The following MRTFA variants were observed in gnomAD, a reference collection of about 807,000 sequenced individuals.
MRTFA encodes the protein myocardin-related transcription factor A.
MRTFA carries 20 observed loss-of-function variants against 83.5 expected under a neutral mutation model. The ratio of observed to expected loss-of-function variants is 0.24; its 90% CI spans 0.17 to 0.35. The LOEUF (loss-of-function observed/expected upper bound fraction) is 0.35, where lower values mean the gene tolerates loss of function less well. Among genes scored for constraint, MRTFA ranks in the 10% least tolerant of loss-of-function variants. The pLI is 1.00. For synonymous variants in MRTFA, 659 were observed against 541.2 expected (o/e 1.22, Z -3.02); for missense variants, 1,200 against 1,224.7 (o/e 0.98, Z 0.30).
intron 3 of MRTFA, among the ~76,000 whole-genome samples, chr22:40,544,898 C>G (rs1324804229): frequency 6.6e-6 from 1 of 151,226 alleles, no homozygotes; most frequent in African/African-American, 2.4e-5. Flanking sequence ...ATCCTCCAGC[C>G]TAGGCAACAG....
At chr22:40,516,592 T>G (rs778173319) in intron 3 of MRTFA, among the ~76,000 whole-genome samples, 5 of 152,044 alleles carry the variant, frequency 3.3e-5, no homozygotes, top group Non-Finnish European at 7.4e-5. Context: ...TAATTTTAAT[T>G]CCAACCCACA....
intron 3 of MRTFA, among the ~76,000 whole-genome samples, chr22:40,468,900 G>A (rs895931526): frequency 6.6e-6 from 1 of 152,160 alleles, no homozygotes; most frequent in Non-Finnish European, 1.5e-5. Context: ...TTGGAGCCAA[G>A]TTTGAATGCA....
chr22:40,542,221 G>A lies in MRTFA; in HGVS notation c.241+9885C>T, dbSNP rs937876402. ...CCTCCTCCTCCCACCCCCTACCCCT[G>A]TCTTCACACACGCTATTACTTCTTT... is the stretch of plus-strand genomic sequence containing the variant. On this transcript the variant is annotated intron_variant, in intron 3 of 14. Coordinates refer to ENST00000355630, the MANE Select transcript of MRTFA (RefSeq NM_020831.6). 2.0e-5 allele frequency among the ~76,000 whole-genome samples: 3 copies of A among 151,704 alleles called. No homozygotes were observed. In the South Asian group the frequency reaches 6.2e-4, roughly 32 times the overall value.
At chr22:40,437,001 G>A (rs1228958140) in intron 4 of MRTFA, among the ~76,000 whole-genome samples, 1 of 152,160 alleles carries the variant, frequency 6.6e-6, no homozygotes, top group Non-Finnish European at 1.5e-5. Context: ...AATTGTCCCA[G>A]TGGTATTTAT....
rs544840585 is a variant in MRTFA at position 40,586,144 on chromosome 22, A to G, written c.-22+8530T>C. On this transcript the variant is annotated intron_variant, in intron 2 of 14. Transcript: ENST00000355630. ...AAATGGTAGGTGGAAGTTGAGAGTA[A>G]TTATTTTTTTTTATCTCCATCAAAG... Among the ~76,000 whole-genome samples the G allele has an allele frequency of 2.6e-5, 4 of 152,226 alleles. No individual in the cohort carries two copies. In the South Asian group the frequency reaches 8.3e-4, roughly 32 times the overall value.
chr22:40,464,111 G>C (rs142542683), intron 3 of MRTFA, among the ~76,000 whole-genome samples: 2,835 of 151,930 alleles, frequency 0.019, 55 homozygotes, highest in Non-Finnish European at 0.031. Context: ...GACCAGCCTG[G>C]CCAAGACAGT....
intron 4 of MRTFA, among the ~76,000 whole-genome samples, chr22:40,457,692 T>G (rs888456155): frequency 1.8e-4 from 28 of 152,158 alleles, no homozygotes; most frequent in African/African-American, 6.8e-4. Context: ...ACAAAAATAA[T>G]TATTTCCTCA....
At chr22:40,565,383 C>T (rs2055687933) in intron 2 of MRTFA, among the ~76,000 whole-genome samples, 2 of 152,160 alleles carry the variant, frequency 1.3e-5, no homozygotes. Flanking sequence ...TCCGTCTCTA[C>T]TAAAAATACA....
chr22:40,624,061 AC>A (rs1271800150), intron 1 of MRTFA, among the ~76,000 whole-genome samples: 12 of 152,154 alleles, frequency 7.9e-5, no homozygotes, highest in Admixed American at 3.9e-4. Flanking sequence ...CCATGTTCAA[AC>A]CACTGAACTC....
chr22:40,420,696 G>A lies in MRTFA; in HGVS notation c.1182-120C>T, dbSNP rs1410376845. On this transcript the variant is annotated intron_variant, in intron 10 of 14. Coordinates refer to ENST00000355630, the MANE Select transcript of MRTFA (RefSeq NM_020831.6). ...GGGCATGGGGCAAGGGCCCAGCAAA[G>A]GCTAGGGTGGCCCTGCCTGCAGACC... The A allele has an allele frequency of 3.3e-6, 5 of 1,534,292 alleles. No homozygotes were observed. In the African/African-American group the frequency reaches 5.4e-5, roughly 17 times the overall value.
rs985440652 is a variant in MRTFA, at chr22:40,418,941, C to A, written c.1797G>T (p.Lys599Asn). The change falls in exon 12 of 15, where the codon AAG becomes AAT. Residue 599 changes from lysine (K) to asparagine (N), a missense_variant. By Grantham distance (94) the Lys-to-Asn change is moderately conservative (BLOSUM62 0). Around this residue, in one of 2 missense-constraint regions of MRTFA, gnomAD observed 1,107 missense variants for 1,041.8 expected, o/e 1.06. Coordinates refer to ENST00000355630, the MANE Select transcript of MRTFA (RefSeq NM_020831.6). ...AGGACCCGGCCCGGGGGCCCTCCTC[C>A]TTCACGAGGATCTGCAGTGGCGAGG... is the stretch of plus-strand genomic sequence containing the variant. The A allele has an allele frequency of 1.2e-6, 2 of 1,612,750 alleles. No individual in the cohort carries two copies. The highest frequency in any genetic ancestry group is 1.7e-6 in the Non-Finnish European group (2 of 1,179,958).
In MRTFA at chr22:40,443,302, AG is replaced by A. The variant is rs2053315099; in HGVS notation, c.308-7749del. Reference sequence around the variant, plus strand: ...AAAAAAACTTAATGTACTACTGTAGAGGCTTCTGCTTCAGATGGGGTAGACA... The same window carrying A: ...AAAAAAACTTAATGTACTACTGTAGAGCTTCTGCTTCAGATGGGGTAGACA... On this transcript the variant is annotated intron_variant, in intron 4 of 14. Transcript: ENST00000355630. Among the ~76,000 whole-genome samples, 4 of 152,248 alleles carry A rather than the reference AG, an allele frequency of 2.6e-5. No individual in the cohort carries two copies. The South Asian group carries it at 8.3e-4, about 32-fold the overall frequency.
At chr22:40,494,772 C>A (rs981426732) in intron 3 of MRTFA, among the ~76,000 whole-genome samples, 1 of 151,676 alleles carries the variant, frequency 6.6e-6, no homozygotes, top group Non-Finnish European at 1.5e-5. Context: ...CAGGAAACAA[C>A]ACTGATGAAC....
intron 4 of MRTFA, among the ~76,000 whole-genome samples, chr22:40,459,759 C>T (rs1434452019): frequency 1.4e-5 from 2 of 143,000 alleles, no homozygotes; most frequent in South Asian, 2.3e-4. Flanking sequence ...GTGCCAGGCA[C>T]TGGGGACGGG....
chr22:40,591,378 A>C (rs1242500163), intron 2 of MRTFA, among the ~76,000 whole-genome samples: 9 of 152,186 alleles, frequency 5.9e-5, no homozygotes, highest in Admixed American at 3.9e-4. Context: ...AGTGTTGAGA[A>C]AATGTAATAA....
intron 2 of MRTFA, among the ~76,000 whole-genome samples, chr22:40,572,714 C>T (rs1019837643): frequency 2.6e-5 from 4 of 152,064 alleles, no homozygotes; most frequent in African/African-American, 4.8e-5. Context: ...CAGAAGGCAA[C>T]GAGAAGCAAG....
At chr22:40,482,134 T>G (rs936230616) in intron 3 of MRTFA, among the ~76,000 whole-genome samples, 1 of 151,994 alleles carries the variant, frequency 6.6e-6, no homozygotes, top group African/African-American at 2.4e-5. Context: ...GTAGAAGTAC[T>G]ACTACGGTGA....
At position 40,545,123 on chromosome 22, in the gene MRTFA, GAGCTGA is replaced by G. The variant is rs558862655; in HGVS notation, c.241+6977_241+6982del. Among the ~76,000 whole-genome samples, 322 of 152,068 alleles carry G rather than the reference GAGCTGA, an allele frequency of 2.1e-3. 1 individual carries two copies. Among genetic ancestry groups the G allele is most frequent in the Admixed American group, 8.4e-3 (128 of 15,268 alleles). On this transcript the variant is annotated intron_variant, in intron 3 of 14. Transcript: ENST00000355630. ...GATTCAATGGATGCCAGAACTCCTTGAGCTGAAGCCTAAGGGCTTAGTTCATTAGAC... is the reference window on the plus strand; with the variant it reads ...GATTCAATGGATGCCAGAACTCCTTGAGCCTAAGGGCTTAGTTCATTAGAC...
chr22:40,620,314 G>C (rs2056506456), intron 1 of MRTFA, among the ~76,000 whole-genome samples: 1 of 151,822 alleles, frequency 6.6e-6, no homozygotes, highest in African/African-American at 2.4e-5. Context: ...AGTAGAGATG[G>C]GGTTTCTCTA....
Sources: allele counts gnomAD v4.1 joint callset (sites outside exome capture counted in the v4.1 genomes callset), GRCh38; gene constraint gnomAD v4.1.1; regional missense constraint gnomAD v4.1.1; transcripts MANE v1.5; gene names NCBI Gene and HGNC (gene_info 2026-07-23, HGNC 2026-07-21).